Variants in ABCB4 observed in about 807,000 individuals in gnomAD.
The protein encoded by ABCB4 is ATP binding cassette subfamily B member 4.
A neutral mutation model predicts 145.7 loss-of-function variants in ABCB4; 76 were observed. The ratio of observed to expected loss-of-function variants is 0.52; its 90% CI spans 0.43 to 0.63. The LOEUF (loss-of-function observed/expected upper bound fraction) is 0.63, where lower values mean the gene tolerates loss of function less well. Ranked by LOEUF, ABCB4 falls within the 30% of genes least tolerant of loss-of-function variation. The probability of loss-of-function intolerance (pLI) is 0.00; values close to 1 mark genes in which losing one functional copy is unlikely to be tolerated. For synonymous variants in ABCB4, 517 were observed against 566.8 expected (o/e 0.91, Z 1.25); for missense variants, 1,234 against 1,553.1 (o/e 0.79, Z 3.45).
At chr7:87,398,222 C>G, downstream of ABCB4, 2 of 507,284 alleles carry the variant, frequency 3.9e-6, no homozygotes, top group South Asian at 3.3e-5. Flanking sequence ...AAGGACTTTT[C>G]TAGGAAGGAG....
At chr7:87,434,662 T>C (rs1810490052) in intron 14 of ABCB4, among the ~76,000 whole-genome samples, 2 of 152,108 alleles carry the variant, frequency 1.3e-5, no homozygotes, top group Non-Finnish European at 2.9e-5. Flanking sequence ...GCAGGAGAAT[T>C]GCCTGAACCC....
intron 14 of ABCB4, among the ~76,000 whole-genome samples, chr7:87,433,580 T>A (rs1357519554): frequency 6.6e-6 from 1 of 151,300 alleles, no homozygotes; most frequent in African/African-American, 2.4e-5. Flanking sequence ...GTAAAAGAAA[T>A]AAAGTACGTG....
chr7:87,443,591 G>T, intron 11 of ABCB4, 72 bp downstream of exon 11: 2 of 1,527,390 alleles, frequency 1.3e-6, no homozygotes, highest in East Asian at 4.6e-5. Context: ...CAAAATAATA[G>T]AGACTTTATT....
the ABCB4 span, chr7:87,377,576 A>G: frequency 2.8e-3 from 1,650 of 597,080 alleles, 22 homozygotes; most frequent in African/African-American, 0.025. Context: ...CACTGTGGTG[A>G]AAAGTTTAGT....
At chr7:87,408,393 A>T (rs1808367366) in intron 24 of ABCB4, among the ~76,000 whole-genome samples, 159 bp from the exon 25 acceptor site, 1 of 152,234 alleles carries the variant, frequency 6.6e-6, no homozygotes, top group Non-Finnish European at 1.5e-5. Context: ...GCAAGTTATT[A>T]TGGTGTGAAA....
chr7:87,410,620 C>CT lies in ABCB4; in HGVS notation c.2925-1229dup, dbSNP rs1808552615. 6.6e-5 allele frequency among the ~76,000 whole-genome samples: 10 copies of CT among 152,272 alleles called. No individual in the cohort carries two copies. The South Asian group carries it at 2.1e-3, about 32-fold the overall frequency. ...TTTTTATACAATAAATAGTTGTACT[C>CT]TAAGTTGTAATCCCCAGCTGCTAGT... On this transcript the variant is annotated intron_variant, in intron 23 of 27. Coordinates refer to ENST00000649586, the MANE Select transcript of ABCB4 (RefSeq NM_000443.4).
intron 21 of ABCB4, among the ~76,000 whole-genome samples, chr7:87,416,823 T>C (rs1809006218): frequency 6.6e-6 from 1 of 152,254 alleles, no homozygotes; most frequent in Admixed American, 6.5e-5. Flanking sequence ...AAGGCTCAAG[T>C]AAATGTTAAG....
chr7:87,391,731 A>G, the ABCB4 span: 7 of 1,596,064 alleles, frequency 4.4e-6, no homozygotes, highest in Admixed American at 7.3e-5. Context: ...TGGAAAGGAA[A>G]AAAACTCACA....
At chr7:87,474,220 ACTT>A (rs908287578) in intron 2 of ABCB4, among the ~76,000 whole-genome samples, 1 of 152,170 alleles carries the variant, frequency 6.6e-6, no homozygotes, top group Non-Finnish European at 1.5e-5. Flanking sequence ...ACATAAATAG[ACTT>A]CTTCATGAAA....
At chr7:87,403,513 C>G in intron 26 of ABCB4, 1 of 540,330 alleles carries the variant, frequency 1.9e-6, no homozygotes, top group Non-Finnish European at 3.3e-6. Flanking sequence ...GGAGGATACT[C>G]TAAAATAACA....
intron 21 of ABCB4, among the ~76,000 whole-genome samples, chr7:87,415,250 G>T (rs1316900657): frequency 1.3e-5 from 2 of 151,810 alleles, no homozygotes; most frequent in African/African-American, 2.4e-5. Flanking sequence ...TCACTACCAA[G>T]CCCTTTTTGG....
chr7:87,474,931 A>AT (rs1235684620), intron 2 of ABCB4, among the ~76,000 whole-genome samples: 4 of 152,184 alleles, frequency 2.6e-5, no homozygotes, highest in Non-Finnish European at 5.9e-5. Flanking sequence ...AGGAAGAGAC[A>AT]TAACAGGGGA....
intron 21 of ABCB4, among the ~76,000 whole-genome samples, chr7:87,414,932 A>C (rs2116439259): frequency 6.6e-6 from 1 of 152,292 alleles, no homozygotes; most frequent in East Asian, 1.9e-4. Flanking sequence ...AGGCACAGAG[A>C]AGTTAACTGA....
chr7:87,398,517 T>G (rs746222306), downstream of ABCB4: 1 of 1,613,502 alleles, frequency 6.2e-7, no homozygotes, highest in South Asian at 1.1e-5. Flanking sequence ...TTATTTATGC[T>G]TCACAGGTTT....
At chr7:87,419,913 A>G (rs1809295815) in intron 19 of ABCB4, 85 bp downstream of exon 19, 2 of 1,422,162 alleles carry the variant, frequency 1.4e-6, no homozygotes, top group Non-Finnish European at 2.0e-6. Flanking sequence ...AAACATGCAT[A>G]TCGACATAAC....
chr7:87,447,736 TA>T (rs1234693485), intron 8 of ABCB4, among the ~76,000 whole-genome samples: 1 of 152,242 alleles, frequency 6.6e-6, no homozygotes, highest in Non-Finnish European at 1.5e-5. Context: ...TTGACTTTTT[TA>T]AAAATCAGGC....
Position 87,417,347 on chromosome 7 carries a change from T to C in ABCB4, c.2647A>G (p.Lys883Glu). 1.2e-6 allele frequency: 2 copies of C among 1,614,144 alleles called. No individual in the cohort carries two copies. The highest frequency in any genetic ancestry group is 1.6e-4 in the Middle Eastern group (1 of 6,062). ...GCTTCCAGTTCTTTTTTATCTCTTT[T>C]GGCATTTCCAGCCAACAATTTCATT... ...VEMKLLAGNAKRDKKELEAAG... is the reference protein window; with the variant it reads ...VEMKLLAGNAERDKKELEAAG... The change falls in exon 21 of 28, where the codon AAA becomes GAA. Residue 883 changes from lysine (K) to glutamate (E), a missense_variant. By Grantham distance (56) the Lys-to-Glu change is moderately conservative. This residue lies in a region of ABCB4 where 301 missense variants were observed against 389.0 expected (regional missense o/e 0.77). Coordinates refer to ENST00000649586, the MANE Select transcript of ABCB4 (RefSeq NM_000443.4).
the ABCB4 span, chr7:87,382,372 T>G: frequency 6.3e-7 from 1 of 1,598,590 alleles, no homozygotes; most frequent in Non-Finnish European, 8.5e-7. Context: ...GTATTCTCCT[T>G]AGGTGATTTT....
rs772771936 is a variant in ABCB4 at position 87,462,870 on chromosome 7, C to T, written c.174G>A (p.Ser58=). 42 of 1,613,366 alleles carry T rather than the reference C, an allele frequency of 2.6e-5. No homozygotes were observed. Among genetic ancestry groups the T allele is most frequent in the Admixed American group, 5.0e-5 (3 of 59,964 alleles). Residue 58 remains serine (S), a synonymous_variant, in exon 4 of 28, where the codon TCG becomes TCA. Coordinates refer to ENST00000649586, the MANE Select transcript of ABCB4 (RefSeq NM_000443.4). ...GAGCTATGGCCATGATGGTACCCAG[C>T]GACATAAACAATTTATCCTGCCAAT... ...YSDWQDKLFM[S]LGTIMAIAHG... is the part of the protein sequence containing the mutation.
Sources: allele counts gnomAD v4.1 joint callset (sites outside exome capture counted in the v4.1 genomes callset), GRCh38; gene constraint gnomAD v4.1.1; regional missense constraint gnomAD v4.1.1; transcripts MANE v1.5; gene names NCBI Gene and HGNC (gene_info 2026-07-23, HGNC 2026-07-21).